Variants in WASF1 observed in about 807,000 individuals in gnomAD.
WASF1 encodes WASP family member 1.
Under a neutral mutation model 50.5 loss-of-function variants are expected in WASF1, and 7 were observed. The observed-to-expected ratio is 0.14, with a 90% CI of 0.08 to 0.26. The LOEUF is 0.26. Ranked by LOEUF, WASF1 falls within the 10% of genes least tolerant of loss-of-function variation. The pLI is 1.00. For synonymous variants in WASF1, 205 were observed against 244.0 expected (o/e 0.84, Z 1.49); for missense variants, 470 against 694.7 (o/e 0.68, Z 3.64).
intron 2 of WASF1, chr6:110,177,168 G>A (rs1776968175): frequency 1.3e-5 from 2 of 151,924 alleles, no homozygotes; most frequent in South Asian, 4.1e-4. Flanking sequence ...TCACAACTAT[G>A]TATTTTGGAT....
At chr6:110,153,307 A>C (rs768331168) in intron 3 of WASF1, among the ~76,000 whole-genome samples, 3 of 152,190 alleles carry the variant, frequency 2.0e-5, no homozygotes, top group South Asian at 2.1e-4. Flanking sequence ...AGGAAATAAT[A>C]ATGGCAAAAT....
chr6:110,108,198 TTAG>T (rs1018925341), intron 6 of WASF1, among the ~76,000 whole-genome samples: 5 of 151,254 alleles, frequency 3.3e-5, no homozygotes, highest in African/African-American at 1.2e-4. Flanking sequence ...GTTTATTTTG[TTAG>T]TAGGACAGAA....
At chr6:110,106,152 C>A (rs1462988150) in intron 7 of WASF1, among the ~76,000 whole-genome samples, 1 of 152,194 alleles carries the variant, frequency 6.6e-6, no homozygotes, top group East Asian at 1.9e-4. Context: ...GTAACAAATT[C>A]AAACGCCCAA....
intron 3 of WASF1, among the ~76,000 whole-genome samples, chr6:110,143,174 C>T (rs1775339476): frequency 6.6e-6 from 1 of 151,714 alleles, no homozygotes; most frequent in Admixed American, 6.6e-5. Flanking sequence ...AAAACCTTTT[C>T]ATGGGTATAC....
At chr6:110,171,737 G>A (rs560791351) in intron 2 of WASF1, among the ~76,000 whole-genome samples, 2 of 152,040 alleles carry the variant, frequency 1.3e-5, no homozygotes, top group African/African-American at 2.4e-5. Context: ...CCATCAGAGC[G>A]AACAGGCAAC....
At chr6:110,170,246 A>G (rs1776649126) in intron 2 of WASF1, among the ~76,000 whole-genome samples, 1 of 152,126 alleles carries the variant, frequency 6.6e-6, no homozygotes, top group Admixed American at 6.6e-5. Context: ...GGGGTGAAAC[A>G]GAGGTTCCTT....
At position 110,103,237 on chromosome 6, in the gene WASF1, C is replaced by T. The variant is rs575072054; in HGVS notation, c.893+141G>A. The T allele has an allele frequency of 7.3e-5, 58 of 798,482 alleles. No individual in the cohort carries two copies. In the South Asian group the frequency reaches 8.9e-4, roughly 12 times the overall value. 49.5% of individuals were successfully genotyped at this position (798,482 alleles called of 1,614,324 possible). On this transcript the variant is annotated intron_variant, in intron 9 of 10. Transcript: ENST00000392589. ...TTTGTTTATGTATATTCTATGGTGG[C>T]TTTCATGCAACAATGGCAGAATTGA...
intron 2 of WASF1, among the ~76,000 whole-genome samples, chr6:110,173,697 A>T (rs1356970278): frequency 6.6e-6 from 1 of 152,194 alleles, no homozygotes; most frequent in Non-Finnish European, 1.5e-5. Context: ...GACTCTGTGC[A>T]TCTGCTTCTT....
chr6:110,126,368 T>G (rs1774416376), intron 4 of WASF1, among the ~76,000 whole-genome samples: 1 of 152,166 alleles, frequency 6.6e-6, no homozygotes, highest in Non-Finnish European at 1.5e-5. Context: ...TCAAATAAAA[T>G]AGCCTTTTAT....
intron 3 of WASF1, among the ~76,000 whole-genome samples, chr6:110,133,377 T>C (rs1239273667): frequency 6.6e-6 from 1 of 152,186 alleles, no homozygotes; most frequent in African/African-American, 2.4e-5. Context: ...TTTTATATAA[T>C]GCCTTCTTTT....
chr6:110,102,378 A>G (rs1447796152), intron 9 of WASF1, among the ~76,000 whole-genome samples, 162 bp from the exon 10 acceptor site: 1 of 152,146 alleles, frequency 6.6e-6, no homozygotes, highest in Non-Finnish European at 1.5e-5. Context: ...TAGAAAAAAA[A>G]AAAGAACTAA....
intron 5 of WASF1, among the ~76,000 whole-genome samples, chr6:110,110,579 A>G (rs1773510402): frequency 6.6e-6 from 1 of 152,206 alleles, no homozygotes; most frequent in Admixed American, 6.5e-5. Context: ...CTTATTATTA[A>G]CAGACTATTG....
intron 6 of WASF1, among the ~76,000 whole-genome samples, chr6:110,107,935 G>A (rs1050420573): frequency 6.6e-6 from 1 of 152,026 alleles, no homozygotes; most frequent in African/African-American, 2.4e-5. Context: ...GAGAGGCCAA[G>A]GCGGGTGGAT....
intron 4 of WASF1, among the ~76,000 whole-genome samples, chr6:110,120,442 A>T (rs1774045001): frequency 6.6e-6 from 1 of 152,190 alleles, no homozygotes; most frequent in South Asian, 2.1e-4. Context: ...CACAATTACT[A>T]CAAAGAGAAT....
chr6:110,166,187 T>C (rs1776470747), intron 2 of WASF1, among the ~76,000 whole-genome samples: 1 of 151,328 alleles, frequency 6.6e-6, no homozygotes, highest in African/African-American at 2.4e-5. Flanking sequence ...AGAAACAGTG[T>C]CTTGGATCAG....
chr6:110,120,471 A>C lies in WASF1; in HGVS notation c.133+6998T>G, dbSNP rs945743712. Among the ~76,000 whole-genome samples the C allele has an allele frequency of 1.3e-4, 20 of 152,324 alleles. 1 individual carries two copies. The highest frequency in any genetic ancestry group is 4.6e-4 in the African/African-American group (19 of 41,580). ...AGAGAATAAAATACCTAGGAATCCA[A>C]CTTACAAGGGATGTGAAGGACCTCT... On this transcript the variant is annotated intron_variant, in intron 4 of 10. Coordinates refer to ENST00000392589, the MANE Select transcript of WASF1 (RefSeq NM_003931.3).
intron 3 of WASF1, among the ~76,000 whole-genome samples, chr6:110,142,182 C>G (rs558423454): frequency 6.6e-6 from 1 of 152,276 alleles, no homozygotes; most frequent in East Asian, 1.9e-4. Flanking sequence ...ATGGATGGAT[C>G]ATATCTTACT....
chr6:110,125,261 T>C (rs77923291), intron 4 of WASF1, among the ~76,000 whole-genome samples: 5,001 of 152,296 alleles, frequency 0.033, 146 homozygotes, highest in South Asian at 0.12. Context: ...AAATCAAATA[T>C]TATCCTAGGC....
chr6:110,138,909 G>A (rs1382916703), intron 3 of WASF1, among the ~76,000 whole-genome samples: 1 of 152,154 alleles, frequency 6.6e-6, no homozygotes, highest in Non-Finnish European at 1.5e-5. Flanking sequence ...GTTTCACTTG[G>A]GACCCACCCT....
Sources: gnomAD v4.1 joint callset for allele counts (sites outside exome capture counted in the v4.1 genomes callset) on GRCh38, gnomAD v4.1.1 for gene constraint, MANE v1.5 for transcripts, NCBI Gene and HGNC (gene_info 2026-07-23, HGNC 2026-07-21) for gene names.